Variants in TBC1D4 observed in about 807,000 individuals in gnomAD.
The protein encoded by TBC1D4 is TBC1 domain family member 4.
In TBC1D4, 121 loss-of-function variants were observed where a neutral mutation model predicts 142.5. The observed-to-expected ratio is 0.85, with a 90% confidence interval of 0.73 to 0.99. The LOEUF is 0.99. Among genes scored for constraint, TBC1D4 ranks in the 50% least tolerant of loss-of-function variants. The probability of loss-of-function intolerance (pLI) is 0.00; values close to 1 mark genes in which losing one functional copy is unlikely to be tolerated. For synonymous variants in TBC1D4, 630 were observed against 628.2 expected (o/e 1.00, Z -0.04); for missense variants, 1,475 against 1,606.6 (o/e 0.92, Z 1.40).
intron 1 of TBC1D4, among the ~76,000 whole-genome samples, chr13:75,421,655 T>C (rs1886174684): frequency 1.3e-5 from 2 of 152,204 alleles, no homozygotes; most frequent in Admixed American, 1.3e-4. Flanking sequence ...TGAAGCGGCA[T>C]ATCATAGACT....
At chr13:75,387,793 G>T (rs1884261130) in intron 1 of TBC1D4, among the ~76,000 whole-genome samples, 1 of 152,138 alleles carries the variant, frequency 6.6e-6, no homozygotes, top group African/African-American at 2.4e-5. Flanking sequence ...AAGTAAAAAT[G>T]GTGTTCCATG....
At chr13:75,315,577 G>A (rs576174961) in intron 12 of TBC1D4, among the ~76,000 whole-genome samples, 4 of 151,954 alleles carry the variant, frequency 2.6e-5, no homozygotes, top group Middle Eastern at 3.4e-3. Flanking sequence ...TTTGTAACAC[G>A]ACCTTGATGG....
intron 1 of TBC1D4, among the ~76,000 whole-genome samples, chr13:75,446,517 A>G (rs867426241): frequency 6.6e-6 from 1 of 152,258 alleles, no homozygotes; most frequent in Non-Finnish European, 1.5e-5. Flanking sequence ...AACATGTGTT[A>G]ACGTAGTTTT....
chr13:75,381,531 T>C (rs1883846716), intron 1 of TBC1D4, among the ~76,000 whole-genome samples: 1 of 152,236 alleles, frequency 6.6e-6, no homozygotes. Context: ...GCTTCAACTT[T>C]TCCCCAATAA....
At chr13:75,468,700 G>T (rs1888268265) in intron 1 of TBC1D4, among the ~76,000 whole-genome samples, 1 of 152,186 alleles carries the variant, frequency 6.6e-6, no homozygotes, top group Non-Finnish European at 1.5e-5. Flanking sequence ...TGTTAAACAT[G>T]ATGAAAACTA....
intron 5 of TBC1D4, among the ~76,000 whole-genome samples, chr13:75,344,423 C>A (rs1880988643): frequency 6.6e-6 from 1 of 152,172 alleles, no homozygotes; most frequent in East Asian, 1.9e-4. Context: ...TCAAACTATA[C>A]ATGCTCCCTC....
rs1021004154 is a variant in TBC1D4 at position 75,416,426 on chromosome 13, C to A, written c.499-53819G>T. Among the ~76,000 whole-genome samples, 3 of 152,202 alleles carry A rather than the reference C, an allele frequency of 2.0e-5. No individual in the cohort carries two copies. The South Asian group carries it at 6.2e-4, about 31-fold the overall frequency. ...TATTCAACAAATATGTATTGAACAA[C>A]TGAGTGCTCAGCTCTGTATGATTTA... On this transcript the variant is annotated intron_variant, in intron 1 of 20. Transcript: ENST00000377636.
At chr13:75,366,019 C>A (rs983441784) in intron 1 of TBC1D4, among the ~76,000 whole-genome samples, 9 of 152,156 alleles carry the variant, frequency 5.9e-5, no homozygotes, top group Non-Finnish European at 1.3e-4. Flanking sequence ...TAGGAAGTGA[C>A]GGTATGTTTC....
intron 1 of TBC1D4, among the ~76,000 whole-genome samples, chr13:75,435,044 A>G (rs1886739925): frequency 6.6e-6 from 1 of 151,674 alleles, no homozygotes; most frequent in African/African-American, 2.4e-5. Flanking sequence ...AAAGGCAATG[A>G]ATGCTCTTTA....
chr13:75,342,081 C>G (rs1880755476), intron 5 of TBC1D4, among the ~76,000 whole-genome samples: 1 of 152,080 alleles, frequency 6.6e-6, no homozygotes, highest in African/African-American at 2.4e-5. Flanking sequence ...GCCTGTAATC[C>G]CAGCTACTCA....
chr13:75,291,937 G>C (rs532340035), intron 19 of TBC1D4, among the ~76,000 whole-genome samples, 165 bp downstream of exon 19: 20 of 152,120 alleles, frequency 1.3e-4, no homozygotes, highest in Non-Finnish European at 2.4e-4. Context: ...TGCATAGCCA[G>C]ATAGAAAATG....
intron 1 of TBC1D4, among the ~76,000 whole-genome samples, chr13:75,363,995 A>C (rs1882745051): frequency 6.6e-6 from 1 of 152,172 alleles, no homozygotes; most frequent in African/African-American, 2.4e-5. Flanking sequence ...TTGGTTTTCT[A>C]CATGTTAGGG....
At position 75,312,947 on chromosome 13, in the gene TBC1D4, T is replaced by C. The variant is rs761642531; in HGVS notation, c.2223-49A>G. 15 of 1,605,510 alleles carry C rather than the reference T, an allele frequency of 9.3e-6. No homozygotes were observed. In the African/African-American group the frequency reaches 1.2e-4, roughly 13 times the overall value. The stretch of plus-strand genomic sequence containing the variant: ...CACTTATAAGGAGAGCTGCACATCA[T>C]GGCACTTCACAACCAACTGGTAGCA... On this transcript the variant is annotated intron_variant, in intron 12 of 20. Coordinates refer to ENST00000377636, the MANE Select transcript of TBC1D4 (RefSeq NM_014832.5).
At chr13:75,410,135 G>A (rs192160617) in intron 1 of TBC1D4, among the ~76,000 whole-genome samples, 1 of 152,298 alleles carries the variant, frequency 6.6e-6, no homozygotes, top group Admixed American at 6.5e-5. Context: ...AACGGTGTAT[G>A]CTCATGATAA....
At chr13:75,409,933 T>G (rs190343458) in intron 1 of TBC1D4, among the ~76,000 whole-genome samples, 2 of 152,324 alleles carry the variant, frequency 1.3e-5, no homozygotes, top group Admixed American at 6.5e-5. Context: ...TTCTTTCAAA[T>G]ATTCTGACCC....
intron 1 of TBC1D4, among the ~76,000 whole-genome samples, chr13:75,472,086 A>T (rs1462072163): frequency 1.4e-5 from 2 of 140,386 alleles, no homozygotes; most frequent in Non-Finnish European, 3.0e-5. Context: ...CAGCCTGGGC[A>T]ACAGAGCCAG....
intron 1 of TBC1D4, among the ~76,000 whole-genome samples, chr13:75,405,613 T>C (rs1885302714): frequency 6.6e-6 from 1 of 152,202 alleles, no homozygotes; most frequent in Non-Finnish European, 1.5e-5. Flanking sequence ...AATCTATAAC[T>C]TCCTGAAAGG....
At chr13:75,454,632 T>A (rs1486136926) in intron 1 of TBC1D4, among the ~76,000 whole-genome samples, 1 of 152,220 alleles carries the variant, frequency 6.6e-6, no homozygotes, top group Non-Finnish European at 1.5e-5. Flanking sequence ...TAGAAACTGC[T>A]AGACTTTATT....
intron 1 of TBC1D4, among the ~76,000 whole-genome samples, chr13:75,399,634 G>C (rs1884980654): frequency 1.3e-5 from 2 of 152,186 alleles, no homozygotes; most frequent in Admixed American, 6.5e-5. Flanking sequence ...TTGGGAGTGA[G>C]CAACTGTGTT....
Sources: gnomAD v4.1 joint callset for allele counts (sites outside exome capture counted in the v4.1 genomes callset) on GRCh38, gnomAD v4.1.1 for gene constraint, MANE v1.5 for transcripts, NCBI Gene and HGNC (gene_info 2026-07-23, HGNC 2026-07-21) for gene names.